Variants in PDE8B observed in about 807,000 individuals in gnomAD.
The protein encoded by PDE8B is high affinity cAMP-specific and IBMX-insensitive 3',5'-cyclic phosphodiesterase 8B.
PDE8B carries 26 observed loss-of-function variants against 101.3 expected under a neutral mutation model. The ratio of observed to expected loss-of-function variants is 0.26; its 90% CI spans 0.19 to 0.36. The LOEUF is 0.36. Among genes scored for constraint, PDE8B ranks in the 10% least tolerant of loss-of-function variants. The pLI, the probability that PDE8B is intolerant of heterozygous loss-of-function variation, is 1.00. For synonymous variants in PDE8B, 424 were observed against 429.3 expected (o/e 0.99, Z 0.15); for missense variants, 810 against 1,163.1 (o/e 0.70, Z 4.42).
At chr5:77,295,190 A>G (rs565035579) in intron 1 of PDE8B, among the ~76,000 whole-genome samples, 1 of 152,338 alleles carries the variant, frequency 6.6e-6, no homozygotes, top group African/African-American at 2.4e-5. Context: ...TAGAAAAGAA[A>G]AAGTGAGCCA....
intron 10 of PDE8B, chr5:77,358,555 TTTACTCC>T (rs1782533078): frequency 2.4e-6 from 1 of 420,882 alleles, no homozygotes; most frequent in African/African-American, 2.2e-5. Flanking sequence ...AAAACTAGTT[TTTACTCC>T]TTAACACAAT....
chr5:77,097,200 C>T, the PDE8B span, among the ~76,000 whole-genome samples: 1 of 152,062 alleles, frequency 6.6e-6, no homozygotes, highest in African/African-American at 2.4e-5. Context: ...AAAAGCCTGT[C>T]CCCTAAAATT....
intron 1 of PDE8B, among the ~76,000 whole-genome samples, chr5:77,296,885 T>A (rs528325189): frequency 2.8e-4 from 42 of 152,178 alleles, no homozygotes; most frequent in Non-Finnish European, 5.7e-4. Flanking sequence ...CCTCTGATAC[T>A]GGTGTTCTCC....
At chr5:77,233,045 G>C (rs1480658751) in intron 1 of PDE8B, among the ~76,000 whole-genome samples, 4 of 152,138 alleles carry the variant, frequency 2.6e-5, no homozygotes, top group Admixed American at 2.6e-4. Flanking sequence ...TCTTGTCATT[G>C]GAGTAGGGAA....
rs368873268 is a variant in PDE8B, at chr5:77,344,840, T to C, written c.798-13T>C. On this transcript the variant is annotated splice_polypyrimidine_tract_variant and intron_variant, in intron 6 of 21. Coordinates refer to ENST00000264917, the MANE Select transcript of PDE8B (RefSeq NM_003719.5). ...TCATAGAAGAACTAACTTCAATCTT[T>C]TATAACTTTCAGGGCCTGTAATTCA... The C allele has an allele frequency of 5.8e-5, 91 of 1,555,926 alleles. No homozygotes were observed. The African/African-American group carries it at 1.1e-3, about 18-fold the overall frequency.
intron 10 of PDE8B, among the ~76,000 whole-genome samples, chr5:77,382,237 CCAG>C (rs1352199455): frequency 6.6e-6 from 1 of 152,042 alleles, no homozygotes; most frequent in Non-Finnish European, 1.5e-5. Flanking sequence ...CTGTAGACAT[CCAG>C]CAGCCCATCT....
At chr5:77,357,814 T>A (rs1782376364) in intron 10 of PDE8B, among the ~76,000 whole-genome samples, 1 of 152,224 alleles carries the variant, frequency 6.6e-6, no homozygotes, top group Non-Finnish European at 1.5e-5. Flanking sequence ...CTTCTCTCTT[T>A]TATCCACACT....
At chr5:77,408,304 A>C (rs1372637306) in intron 13 of PDE8B, among the ~76,000 whole-genome samples, 1 of 152,216 alleles carries the variant, frequency 6.6e-6, no homozygotes, top group African/African-American at 2.4e-5. Context: ...CTTGATAGAA[A>C]ATGACATGAG....
At chr5:77,090,582 A>G in the PDE8B span, among the ~76,000 whole-genome samples, 1 of 152,024 alleles carries the variant, frequency 6.6e-6, no homozygotes, top group South Asian at 2.1e-4. Flanking sequence ...CGAAGAGAAG[A>G]TTTTTTTTCT....
intron 5 of PDE8B, among the ~76,000 whole-genome samples, chr5:77,331,817 C>G (rs894012619): frequency 2.0e-5 from 3 of 152,164 alleles, no homozygotes; most frequent in African/African-American, 7.2e-5. Context: ...ATAGATACAT[C>G]CACCAAATTG....
chr5:77,186,566 T>C, the PDE8B span, among the ~76,000 whole-genome samples: 4 of 152,186 alleles, frequency 2.6e-5, no homozygotes, highest in Non-Finnish European at 5.9e-5. Flanking sequence ...TGCCATCTTT[T>C]TCTTGGAAAC....
chr5:77,338,286 C>CCAG (rs1309260140), intron 6 of PDE8B, among the ~76,000 whole-genome samples: 1 of 152,190 alleles, frequency 6.6e-6, no homozygotes, highest in Admixed American at 6.5e-5. Context: ...AATTATCCTC[C>CCAG]GTCCCAGGGA....
At chr5:77,219,042 C>G (rs992443946) in intron 1 of PDE8B, among the ~76,000 whole-genome samples, 5 of 152,152 alleles carry the variant, frequency 3.3e-5, no homozygotes, top group Non-Finnish European at 7.3e-5. Flanking sequence ...ATAGTAGAAT[C>G]TTGCCAGTCC....
intron 10 of PDE8B, among the ~76,000 whole-genome samples, chr5:77,378,480 A>G (rs74555586): frequency 6.8e-6 from 1 of 146,440 alleles, no homozygotes; most frequent in African/African-American, 2.7e-5. Context: ...AAAAAAAAAA[A>G]AAAAGGGCAT....
At chr5:77,388,912 A>G (rs1789309615) in intron 10 of PDE8B, among the ~76,000 whole-genome samples, 1 of 151,806 alleles carries the variant, frequency 6.6e-6, no homozygotes, top group African/African-American at 2.4e-5. Context: ...AATGGCAGAT[A>G]CCCCTCCCCA....
At chr5:77,274,946 T>G (rs1763548136) in intron 1 of PDE8B, among the ~76,000 whole-genome samples, 1 of 152,076 alleles carries the variant, frequency 6.6e-6, no homozygotes, top group African/African-American at 2.4e-5. Context: ...CCAGATGAAA[T>G]TAAGTGGTCA....
chr5:77,086,831 G>C, the PDE8B span: 3 of 152,344 alleles, frequency 2.0e-5, no homozygotes, highest in Non-Finnish European at 2.9e-5. Context: ...GAGTGGTGAC[G>C]AATTTCCACA....
rs974589697 is a variant in PDE8B at position 77,301,478 on chromosome 5, A to G, written c.340-10516A>G. On this transcript the variant is annotated intron_variant, in intron 1 of 21. Transcript: ENST00000264917. ...AGAAGGGAAGGCATCAGAGGCATGC[A>G]GGAGGATGGAGGTGGATCAGAAATG... is the stretch of plus-strand genomic sequence containing the variant. Among the ~76,000 whole-genome samples, 3 of 152,214 alleles carry G rather than the reference A, an allele frequency of 2.0e-5. No homozygotes were observed. The South Asian group carries it at 6.2e-4, about 31-fold the overall frequency.
In PDE8B at chr5:77,421,803, T is replaced by G; in HGVS notation, c.2251-18T>G. On this transcript the variant is annotated intron_variant, in intron 19 of 21. Transcript: ENST00000264917. Reference sequence around the variant, plus strand: ...CCGTCATCTTGAACCAAGCCTGATCTGACCATCTGTTTTCCAGATTGAAGG... The same window carrying G: ...CCGTCATCTTGAACCAAGCCTGATCGGACCATCTGTTTTCCAGATTGAAGG... The G allele has an allele frequency of 6.2e-7, 1 of 1,613,348 alleles. No individual in the cohort carries two copies. Among genetic ancestry groups the G allele is most frequent in the Admixed American group, 1.7e-5 (1 of 59,974 alleles).
Sources: gnomAD v4.1 joint callset for allele counts (sites outside exome capture counted in the v4.1 genomes callset) on GRCh38, gnomAD v4.1.1 for gene constraint, MANE v1.5 for transcripts, NCBI Gene and HGNC (gene_info 2026-07-23, HGNC 2026-07-21) for gene names.